The following ARHGEF9 variants were observed in gnomAD, a reference collection of about 807,000 sequenced individuals.
ARHGEF9 encodes the protein rho guanine nucleotide exchange factor 9.
ARHGEF9 carries 2 observed loss-of-function variants against 41.3 expected under a neutral mutation model. The observed-to-expected ratio is 0.05, with a 90% confidence interval of 0.02 to 0.15. The LOEUF is 0.15. Ranked by LOEUF, ARHGEF9 falls within the 10% of genes least tolerant of loss-of-function variation. ARHGEF9 has a pLI of 1.00. For missense variants in ARHGEF9, 225 were observed against 424.7 expected (o/e 0.53, Z 4.13); for synonymous variants, 160 against 154.4 (o/e 1.04, Z -0.27).
At chrX:63,777,611 AAGTTAGTTAC>A (rs1293977542) in intron 1 of ARHGEF9, among the ~76,000 whole-genome samples, 1 of 112,384 alleles carries the variant, frequency 8.9e-6, no homozygotes, top group Non-Finnish European at 1.9e-5. Flanking sequence ...AATAAAAAGC[AAGTTAGTTAC>A]TTCTTAGATA....
chrX:63,750,376 G>A (rs781846165), intron 1 of ARHGEF9, among the ~76,000 whole-genome samples: 6 of 111,380 alleles, frequency 5.4e-5, no homozygotes, highest in African/African-American at 2.0e-4. Context: ...ACACCGGTGG[G>A]TGAGAGTCTC....
chrX:63,784,823 A>G (rs2056436184), intron 1 of ARHGEF9, among the ~76,000 whole-genome samples: 1 of 111,011 alleles, frequency 9.0e-6, no homozygotes, highest in Non-Finnish European at 1.9e-5. Flanking sequence ...TGGCCTCCCA[A>G]GTGACCCCTG....
intron 1 of ARHGEF9, among the ~76,000 whole-genome samples, chrX:63,737,423 G>T (rs1159972568): frequency 2.7e-5 from 3 of 112,119 alleles, no homozygotes; most frequent in African/African-American, 9.7e-5. Context: ...AGCAGGTTTT[G>T]ACAGGGGTGG....
chrX:63,750,632 C>T (rs190183220), intron 1 of ARHGEF9, among the ~76,000 whole-genome samples: 129 of 111,142 alleles, frequency 1.2e-3, no homozygotes, highest in Non-Finnish European at 2.0e-3. Flanking sequence ...TCAGTTTGTT[C>T]CCACCAAGAT....
chrX:63,705,324 T>A (rs1556400402), intron 3 of ARHGEF9, among the ~76,000 whole-genome samples: 1 of 105,803 alleles, frequency 9.5e-6, no homozygotes, highest in African/African-American at 3.4e-5. Context: ...CAATGCAGAG[T>A]TTTCCGAGTC....
At chrX:63,767,190 G>C (rs1375809308) in intron 1 of ARHGEF9, 9 of 686,006 alleles carry the variant, frequency 1.3e-5, no homozygotes, top group Non-Finnish European at 2.1e-5. Flanking sequence ...GCTTGGTGCA[G>C]TTTGGCTAGT....
intron 4 of ARHGEF9, among the ~76,000 whole-genome samples, chrX:63,689,197 T>TA (rs1233179829): frequency 5.4e-5 from 6 of 110,911 alleles, no homozygotes; most frequent in African/African-American, 1.6e-4. Flanking sequence ...CTGAATGGAT[T>TA]AAAAAAAACA....
At chrX:63,740,210 T>A (rs1569498235) in intron 1 of ARHGEF9, among the ~76,000 whole-genome samples, 1 of 112,090 alleles carries the variant, frequency 8.9e-6, no homozygotes, top group Non-Finnish European at 1.9e-5. Context: ...ATGCTGCAAA[T>A]CTGTTTTCTT....
chrX:63,666,380 AAGAG>A (rs782666128), intron 6 of ARHGEF9, among the ~76,000 whole-genome samples: 9 of 91,509 alleles, frequency 9.8e-5, no homozygotes, highest in East Asian at 7.6e-4. Context: ...TGTGTGGAGA[AAGAG>A]AGAGAGAGAG....
chrX:63,724,937 T>G lies in ARHGEF9; in HGVS notation c.31-226A>C, dbSNP rs1456571264. The G allele has an allele frequency of 1.4e-5, 6 of 428,845 alleles. No homozygotes were observed. In the African/African-American group the frequency reaches 1.5e-4, roughly 11 times the overall value. The allele number at this position is 428,845 out of a possible 1,213,427, so 35.3% of individuals were successfully genotyped here. A position where few individuals can be genotyped will look rare whatever the true frequency, so the allele number is the denominator to read the frequency against. On this transcript the variant is annotated intron_variant, in intron 1 of 9. Transcript: ENST00000671741. ...TGGAATGACCCAGAATATGAATATG[T>G]ACTACATATGCCTCATGCTTTTTAT...
At chrX:63,666,423 C>T (rs2049558297) in intron 6 of ARHGEF9, among the ~76,000 whole-genome samples, 1 of 87,216 alleles carries the variant, frequency 1.1e-5, no homozygotes, top group Admixed American at 1.4e-4. Context: ...TATATACACA[C>T]ACACACACAT....
Position 63,697,209 on chromosome X carries a change from C to G in ARHGEF9, c.498G>C (p.Gln166His). The G allele has an allele frequency of 8.3e-7, 1 of 1,211,048 alleles. No homozygotes were observed. The highest frequency in any genetic ancestry group is 1.1e-6 in the Non-Finnish European group (1 of 895,152). Residue 166 changes from glutamine (Q) to histidine (H), a missense_variant, in exon 4 of 10, where the codon CAG becomes CAC. Gln to His is a conservative substitution (Grantham distance 24). Coordinates refer to ENST00000671741, the MANE Select transcript of ARHGEF9 (RefSeq NM_001353921.2). Reference protein sequence around the residue: ...FGNIEDIYRFQMGFVRDLEKQ... With the variant: ...FGNIEDIYRFHMGFVRDLEKQ... ...TCTCCAGGTCTCTCACAAAGCCCAT[C>G]TGAAATCTGTAGATATCTTCAATGT...
chrX:63,744,229 C>T (rs1395970650), intron 1 of ARHGEF9, among the ~76,000 whole-genome samples: 1 of 112,536 alleles, frequency 8.9e-6, no homozygotes, highest in African/African-American at 3.2e-5. Flanking sequence ...TAACAAACTC[C>T]TAGTTCTGTG....
intron 1 of ARHGEF9, among the ~76,000 whole-genome samples, chrX:63,747,992 C>A (rs1180266528): frequency 8.9e-6 from 1 of 112,119 alleles, no homozygotes; most frequent in Non-Finnish European, 1.9e-5. Flanking sequence ...AGTAAGAGGC[C>A]AAGTAACTTA....
chrX:63,689,275 T>C (rs2051175074), intron 4 of ARHGEF9, among the ~76,000 whole-genome samples: 1 of 110,725 alleles, frequency 9.0e-6, no homozygotes, highest in Non-Finnish European at 1.9e-5. Context: ...ATAAGACACA[T>C]AGAGACTAAA....
chrX:63,718,341 T>C (rs1213875302), intron 2 of ARHGEF9, among the ~76,000 whole-genome samples: 6 of 111,565 alleles, frequency 5.4e-5, no homozygotes, highest in Admixed American at 9.5e-5. Context: ...TATACAAGTA[T>C]GATGATTTTC....
intron 4 of ARHGEF9, among the ~76,000 whole-genome samples, chrX:63,682,041 T>C (rs1556370023): frequency 9.1e-6 from 1 of 109,848 alleles, no homozygotes; most frequent in Admixed American, 9.7e-5. Flanking sequence ...TAAAATCTCC[T>C]AACAACAAAA....
chrX:63,759,522 C>A (rs1235576508), intron 1 of ARHGEF9, among the ~76,000 whole-genome samples: 4 of 111,748 alleles, frequency 3.6e-5, no homozygotes, highest in Admixed American at 2.8e-4. Context: ...GTAGAAAGTT[C>A]TTCCATCTCT....
intron 4 of ARHGEF9, among the ~76,000 whole-genome samples, chrX:63,688,539 A>T (rs1410486752): frequency 8.9e-6 from 1 of 112,655 alleles, no homozygotes; most frequent in Non-Finnish European, 1.9e-5. Flanking sequence ...GACTGAAAAA[A>T]ATCTATCAAA....
Sources: gnomAD v4.1 joint callset for allele counts (sites outside exome capture counted in the v4.1 genomes callset) on GRCh38, gnomAD v4.1.1 for gene constraint, MANE v1.5 for transcripts, NCBI Gene and HGNC (gene_info 2026-07-23, HGNC 2026-07-21) for gene names.